The following ASTN2 variants were observed in gnomAD, a reference collection of about 807,000 sequenced individuals.
ASTN2 encodes the protein astrotactin-2.
Under a neutral mutation model 139.8 loss-of-function variants are expected in ASTN2, and 54 were observed. That is an observed-to-expected ratio of 0.39 (90% CI 0.31 to 0.48). ASTN2 has a LOEUF of 0.48. Among genes scored for constraint, ASTN2 ranks in the 20% least tolerant of loss-of-function variants. The pLI, the probability that ASTN2 is intolerant of heterozygous loss-of-function variation, is 0.95. For synonymous variants in ASTN2, 756 were observed against 719.5 expected, an observed-to-expected ratio of 1.05 and a Z score of -0.81; for missense variants, 1,565 against 1,725.1, an observed-to-expected ratio of 0.91 and a Z score of 1.64.
chr9:116,836,451 T>G (rs1253976443), intron 11 of ASTN2, among the ~76,000 whole-genome samples: 1 of 151,880 alleles, frequency 6.6e-6, no homozygotes, highest in Non-Finnish European at 1.5e-5. Flanking sequence ...TGGGGAGGGG[T>G]GTGTTCATTT....
Position 117,008,245 on chromosome 9 carries a change from C to A in ASTN2, c.1438G>T (p.Val480Leu). 6.2e-7 allele frequency: 1 copy of A among 1,601,772 alleles called. No individual in the cohort carries two copies. The highest frequency in any genetic ancestry group is 1.1e-5 in the South Asian group (1 of 88,918). The change falls in exon 7 of 23, where the codon GTG (valine) becomes TTG (leucine). Residue 480 changes from valine to leucine, a missense_variant. Val to Leu is a conservative substitution (Grantham distance 32, BLOSUM62 1). This residue lies in a region of ASTN2 where 503 missense variants were observed against 591.7 expected (regional missense o/e 0.85). Coordinates refer to ENST00000313400, the MANE Select transcript of ASTN2 (RefSeq NM_001365068.1). Reference sequence around the variant, plus strand: ...ATGTCCAGGTAGCTCCCTTCACTCACCACGAAGCTGCTTCCTATGGGTGAA... The same window carrying A: ...ATGTCCAGGTAGCTCCCTTCACTCAACACGAAGCTGCTTCCTATGGGTGAA... ...HFIADGSSFV[V>L]SEGSYLDISD...
rs987763576 is a variant in ASTN2 at position 116,913,613 on chromosome 9, G to C, written c.1890-49880C>G. ...CAGAAGGATCTGAAATGCAAGGCAAGCTTCACAGGTGCCAACTGTATTGTT... is the reference window on the plus strand; with the variant it reads ...CAGAAGGATCTGAAATGCAAGGCAACCTTCACAGGTGCCAACTGTATTGTT... On this transcript the variant is annotated intron_variant, in intron 10 of 22. Coordinates refer to ENST00000313400, the MANE Select transcript of ASTN2 (RefSeq NM_001365068.1). 2.0e-5 allele frequency among the ~76,000 whole-genome samples: 3 copies of C among 152,186 alleles called. No individual in the cohort carries two copies. In the South Asian group the frequency reaches 6.2e-4, roughly 31 times the overall value.
chr9:117,260,626 A>T (rs769854596), intron 2 of ASTN2, among the ~76,000 whole-genome samples: 5 of 152,248 alleles, frequency 3.3e-5, no homozygotes, highest in Non-Finnish European at 5.9e-5. Context: ...CTTTGAATGT[A>T]GTCACCAAGA....
At chr9:117,030,860 GT>G (rs1838227989) in intron 6 of ASTN2, among the ~76,000 whole-genome samples, 1 of 152,008 alleles carries the variant, frequency 6.6e-6, no homozygotes, top group Non-Finnish European at 1.5e-5. Context: ...GTGAAAAAAA[GT>G]TTTCACAGTT....
intron 5 of ASTN2, among the ~76,000 whole-genome samples, chr9:117,071,293 G>C (rs1047243954): frequency 6.0e-5 from 9 of 151,018 alleles, no homozygotes; most frequent in Non-Finnish European, 1.2e-4. Context: ...GTGTGCCCCT[G>C]CTGGGGGGTG....
chr9:116,795,625 C>T (rs766922570), intron 13 of ASTN2, among the ~76,000 whole-genome samples: 25 of 152,104 alleles, frequency 1.6e-4, no homozygotes, highest in Non-Finnish European at 2.1e-4. Context: ...CCATGTTTAC[C>T]AAAACATGAG....
intron 19 of ASTN2, among the ~76,000 whole-genome samples, chr9:116,554,570 T>G (rs1036317555): frequency 6.6e-6 from 1 of 152,226 alleles, no homozygotes; most frequent in Non-Finnish European, 1.5e-5. Flanking sequence ...CTTGTTTTAG[T>G]GCTAATATGT....
chr9:116,583,718 C>T (rs1459960082), intron 19 of ASTN2: 1 of 152,156 alleles, frequency 6.6e-6, no homozygotes, highest in East Asian at 1.9e-4. Flanking sequence ...TGCTATACCA[C>T]ACCCACTCAC....
intron 19 of ASTN2, among the ~76,000 whole-genome samples, chr9:116,557,023 C>T (rs1329359494): frequency 1.3e-5 from 2 of 151,562 alleles, no homozygotes; most frequent in Non-Finnish European, 2.9e-5. Flanking sequence ...GAGATCGAGA[C>T]CATCTGGCTA....
chr9:117,344,352 G>C lies in ASTN2; in HGVS notation c.443-52839C>G, dbSNP rs1380089604. On this transcript the variant is annotated intron_variant, in intron 1 of 22. Transcript: ENST00000313400. ...GGCACCAGGGCTGATGAAAGCAAAG[G>C]CAGTGTGAAGATTTGCTCAGCCATG... Among the ~76,000 whole-genome samples the C allele has an allele frequency of 2.0e-5, 3 of 152,228 alleles. No homozygotes were observed. In the East Asian group the frequency reaches 5.8e-4, roughly 29 times the overall value.
intron 19 of ASTN2, among the ~76,000 whole-genome samples, chr9:116,573,686 C>T (rs1853614369): frequency 6.6e-6 from 1 of 152,160 alleles, no homozygotes; most frequent in Admixed American, 6.5e-5. Flanking sequence ...GGATCTTGTA[C>T]TAACCTACAC....
chr9:117,381,782 A>G (rs545713244), intron 1 of ASTN2, among the ~76,000 whole-genome samples: 35 of 152,206 alleles, frequency 2.3e-4, no homozygotes, highest in Non-Finnish European at 4.4e-4. Context: ...ATGAAAAACC[A>G]CTAAATTTTA....
intron 10 of ASTN2, among the ~76,000 whole-genome samples, chr9:116,935,701 G>A (rs1449466778): frequency 2.0e-5 from 3 of 152,156 alleles, no homozygotes; most frequent in Non-Finnish European, 2.9e-5. Flanking sequence ...TCACCTCTCT[G>A]TGTCAGTTTC....
At chr9:117,087,659 C>T (rs1176203375) in intron 5 of ASTN2, among the ~76,000 whole-genome samples, 5 of 152,190 alleles carry the variant, frequency 3.3e-5, no homozygotes, top group Non-Finnish European at 5.9e-5. Flanking sequence ...TGGATGCACT[C>T]GGCTAAGCAT....
chr9:116,790,964 AAGGAAAGAAAGAAAGAAAG>A (rs1830520096), intron 13 of ASTN2, among the ~76,000 whole-genome samples: 4 of 106,710 alleles, frequency 3.7e-5, no homozygotes, highest in African/African-American at 1.6e-4. Flanking sequence ...GAAAAGAAAG[AAGGAAAGAAAGAAAGAAAG>A]AAAGAAAGAA....
rs372277811 is a variant in ASTN2, at chr9:117,048,963, CTTTTT to C, written c.1277-9003_1277-8999del. 1.1e-4 allele frequency among the ~76,000 whole-genome samples: 10 copies of C among 89,016 alleles called. 1 individual carries two copies. The highest frequency in any genetic ancestry group is 3.6e-4 in the African/African-American group (9 of 24,972). 58.4% of individuals were successfully genotyped at this position (89,016 alleles called of 152,430 possible). On this transcript the variant is annotated intron_variant, in intron 5 of 22. Transcript: ENST00000313400. The stretch of plus-strand genomic sequence containing the variant: ...GTGCGCTCTGATTCTTCATCCATTG[CTTTTT>C]TTTTTTTTTTTTGAGACGGAGTCTT...
chr9:117,086,623 G>A (rs1828569190), intron 5 of ASTN2, among the ~76,000 whole-genome samples: 1 of 151,994 alleles, frequency 6.6e-6, no homozygotes, highest in Admixed American at 6.6e-5. Context: ...GACTTCCAGT[G>A]ATTTCATGAC....
intron 11 of ASTN2, among the ~76,000 whole-genome samples, chr9:116,859,661 G>A (rs1832827181): frequency 6.6e-6 from 1 of 152,178 alleles, no homozygotes; most frequent in African/African-American, 2.4e-5. Flanking sequence ...TCTAAAAGGG[G>A]TCCCATCCTC....
At chr9:116,637,788 A>G (rs1857143501) in intron 17 of ASTN2, among the ~76,000 whole-genome samples, 1 of 152,172 alleles carries the variant, frequency 6.6e-6, no homozygotes, top group South Asian at 2.1e-4. Context: ...AAAAATACAA[A>G]AATTATCCAA....
Sources: allele counts gnomAD v4.1 joint callset (sites outside exome capture counted in the v4.1 genomes callset), GRCh38; gene constraint gnomAD v4.1.1; regional missense constraint gnomAD v4.1.1; transcripts MANE v1.5; gene names NCBI Gene and HGNC (gene_info 2026-07-23, HGNC 2026-07-21).